The following ROBO2 variants were observed in gnomAD, a reference collection of about 807,000 sequenced individuals.
ROBO2 encodes roundabout homolog 2.
ROBO2 carries 53 observed loss-of-function variants against 160.8 expected under a neutral mutation model. That is an observed-to-expected ratio of 0.33 (90% CI 0.26 to 0.41). The LOEUF is 0.41. Among genes scored for constraint, ROBO2 ranks in the 10% least tolerant of loss-of-function variants. ROBO2 has a pLI of 1.00. For missense variants in ROBO2, 1,577 were observed against 1,722.4 expected (o/e 0.92, Z 1.49); for synonymous variants, 664 against 611.7 (o/e 1.09, Z -1.26).
chr3:77,075,137 G>C (rs931717643), intron 1 of ROBO2, among the ~76,000 whole-genome samples: 1 of 152,110 alleles, frequency 6.6e-6, no homozygotes, highest in African/African-American at 2.4e-5. Flanking sequence ...TTATATATCA[G>C]CATTATAATT....
intron 2 of ROBO2, among the ~76,000 whole-genome samples, chr3:75,996,618 A>G (rs1012748302): frequency 3.9e-5 from 6 of 152,210 alleles, no homozygotes; most frequent in African/African-American, 1.4e-4. Flanking sequence ...ATAAGATTCA[A>G]AAGTATTTGT....
intron 2 of ROBO2, among the ~76,000 whole-genome samples, chr3:76,657,706 A>T (rs887954170): frequency 7.0e-6 from 1 of 141,908 alleles, no homozygotes; most frequent in African/African-American, 2.8e-5. Context: ...ATATTCATAT[A>T]TGTGTGTATA....
At chr3:76,185,671 TCATAA>T (rs1057161163) in intron 2 of ROBO2, among the ~76,000 whole-genome samples, 70 of 152,166 alleles carry the variant, frequency 4.6e-4, no homozygotes, top group African/African-American at 1.7e-3. Flanking sequence ...TTGTTACAAT[TCATAA>T]CATAACATTA....
chr3:76,069,525 GT>G (rs35295337), intron 2 of ROBO2, among the ~76,000 whole-genome samples: 21,104 of 148,160 alleles, frequency 0.14, 2,029 homozygotes, highest in East Asian at 0.44. Flanking sequence ...CTTATTGCTA[GT>G]TTTTTTTTTT....
chr3:77,005,025 G>C (rs980129825), intron 2 of ROBO2, among the ~76,000 whole-genome samples: 1 of 147,142 alleles, frequency 6.8e-6, no homozygotes, highest in Admixed American at 6.9e-5. Context: ...CCATGGCTTC[G>C]GGGCTGCTAA....
intron 4 of ROBO2, among the ~76,000 whole-genome samples, chr3:77,485,460 G>C (rs561065489): frequency 5.9e-5 from 9 of 151,846 alleles, no homozygotes; most frequent in Non-Finnish European, 1.2e-4. Context: ...CTTCCCAAAT[G>C]TTTGGTGGTC....
At chr3:76,579,579 G>A (rs1333232781) in intron 2 of ROBO2, among the ~76,000 whole-genome samples, 1 of 151,944 alleles carries the variant, frequency 6.6e-6, no homozygotes, top group African/African-American at 2.4e-5. Flanking sequence ...ACCTGAGAAA[G>A]AGTGAGATTT....
At chr3:77,137,389 G>C (rs548293613) in intron 2 of ROBO2, among the ~76,000 whole-genome samples, 131 of 152,200 alleles carry the variant, frequency 8.6e-4, no homozygotes, top group African/African-American at 3.0e-3. Flanking sequence ...ACCACGCCCA[G>C]CTAATTTTGT....
chr3:76,632,208 T>G lies in ROBO2; in HGVS notation c.110-465806T>G, dbSNP rs114813103. 3.1e-3 allele frequency among the ~76,000 whole-genome samples: 470 copies of G among 152,332 alleles called. 4 individuals carry two copies. The highest frequency in any genetic ancestry group is 0.011 in the African/African-American group (457 of 41,568). On this transcript the variant is annotated intron_variant, in intron 2 of 26. Transcript: ENST00000487694. ...TGCAGGGAAACATTGGAGAAGTCAC[T>G]TAACTTCAGTAGAATCCTATAATGT...
chr3:76,112,756 A>G (rs2070292013), intron 2 of ROBO2, among the ~76,000 whole-genome samples: 1 of 152,074 alleles, frequency 6.6e-6, no homozygotes, highest in Admixed American at 6.6e-5. Flanking sequence ...TATGTGATTG[A>G]GATTTTATAA....
At chr3:76,556,470 G>C (rs1318471902) in intron 2 of ROBO2, among the ~76,000 whole-genome samples, 1 of 152,102 alleles carries the variant, frequency 6.6e-6, no homozygotes, top group East Asian at 1.9e-4. Flanking sequence ...ATATGTAAGT[G>C]ATTTGGTATT....
At chr3:76,364,705 G>C (rs1018378238) in intron 2 of ROBO2, among the ~76,000 whole-genome samples, 1 of 152,070 alleles carries the variant, frequency 6.6e-6, no homozygotes, top group African/African-American at 2.4e-5. Context: ...AACTTTGGAA[G>C]AAATGAAGGA....
At chr3:76,517,597 T>C (rs772334600) in intron 2 of ROBO2, among the ~76,000 whole-genome samples, 1 of 152,234 alleles carries the variant, frequency 6.6e-6, no homozygotes, top group African/African-American at 2.4e-5. Context: ...ATGTTTATCA[T>C]GCCTAAGTAT....
intron 2 of ROBO2, among the ~76,000 whole-genome samples, chr3:76,110,384 T>C (rs1434112183): frequency 1.3e-5 from 2 of 152,054 alleles, no homozygotes; most frequent in African/African-American, 4.8e-5. Context: ...GGAGTGAGGA[T>C]AGGAAGCCAT....
In ROBO2 at chr3:76,451,597, G is replaced by C. The variant is rs779366416; in HGVS notation, c.109+513995G>C. 3.3e-5 allele frequency among the ~76,000 whole-genome samples: 5 copies of C among 152,154 alleles called. No individual in the cohort carries two copies. In the East Asian group the frequency reaches 7.7e-4, roughly 23 times the overall value. On this transcript the variant is annotated intron_variant, in intron 2 of 26. Coordinates refer to the ROBO2 transcript ENST00000487694. ...CTCCAGGTGAATGGGGGACAATGAT[G>C]TGACCTCCTACTCTGCAAAGAATTT...
At chr3:77,030,482 C>T (rs1205602494) in intron 2 of ROBO2, among the ~76,000 whole-genome samples, 4 of 152,144 alleles carry the variant, frequency 2.6e-5, no homozygotes, top group Non-Finnish European at 5.9e-5. Context: ...TTCATCAGAA[C>T]AGGTAATAGC....
At chr3:76,453,774 T>C (rs972553223) in intron 2 of ROBO2, among the ~76,000 whole-genome samples, 2 of 152,142 alleles carry the variant, frequency 1.3e-5, no homozygotes, top group Non-Finnish European at 2.9e-5. Flanking sequence ...AAGTATCCTC[T>C]AAAAAAATGA....
chr3:76,851,837 G>A (rs1376558503), intron 2 of ROBO2, among the ~76,000 whole-genome samples: 1 of 151,312 alleles, frequency 6.6e-6, no homozygotes, highest in Non-Finnish European at 1.5e-5. Flanking sequence ...TCATTGAGAT[G>A]TAAATTTTCA....
At chr3:77,586,495 A>T (rs1257013273) in intron 16 of ROBO2, among the ~76,000 whole-genome samples, 1 of 152,066 alleles carries the variant, frequency 6.6e-6, no homozygotes, top group Non-Finnish European at 1.5e-5. Context: ...ATATTTCATT[A>T]TATTTTTTTG....
Sources: gnomAD v4.1 joint callset for allele counts (sites outside exome capture counted in the v4.1 genomes callset) on GRCh38, gnomAD v4.1.1 for gene constraint, MANE v1.5 for transcripts, NCBI Gene and HGNC (gene_info 2026-07-23, HGNC 2026-07-21) for gene names.